The following MAF variants were observed in gnomAD, a reference collection of about 807,000 sequenced individuals.
MAF encodes the protein MAF bZIP transcription factor.
A neutral mutation model predicts 22.0 loss-of-function variants in MAF; 10 were observed. That is an observed-to-expected ratio of 0.45 (90% confidence interval 0.28 to 0.77). The LOEUF (loss-of-function observed/expected upper bound fraction) is 0.77. Ranked by LOEUF, MAF falls within the 30% of genes least tolerant of loss-of-function variation. The pLI, the probability that MAF is intolerant of heterozygous loss-of-function variation, is 0.12. For synonymous variants in MAF, 337 were observed against 255.8 expected, an observed-to-expected ratio of 1.32 and a Z score of -3.03; for missense variants, 544 against 548.4, an observed-to-expected ratio of 0.99 and a Z score of 0.08.
the MAF span, among the ~76,000 whole-genome samples, chr16:79,514,130 G>A: frequency 6.6e-6 from 1 of 152,142 alleles, no homozygotes; most frequent in East Asian, 1.9e-4. Context: ...AAGCTTTCTG[G>A]CCCAATTCAT....
chr16:79,225,584 C>A, the MAF span, among the ~76,000 whole-genome samples: 3 of 152,220 alleles, frequency 2.0e-5, no homozygotes, highest in South Asian at 2.1e-4. Flanking sequence ...TCAGAGTGAA[C>A]AGGAAACCTA....
the MAF span, among the ~76,000 whole-genome samples, chr16:79,287,334 G>A: frequency 2.0e-5 from 3 of 152,194 alleles, no homozygotes; most frequent in Admixed American, 6.5e-5. Flanking sequence ...AAGCACTCCC[G>A]GGCCCTCGGC....
the MAF span, among the ~76,000 whole-genome samples, chr16:79,387,320 C>G: frequency 6.6e-6 from 1 of 152,300 alleles, no homozygotes; most frequent in Admixed American, 6.5e-5. Flanking sequence ...AAAAGTCATT[C>G]TAATGCACAA....
the MAF span, among the ~76,000 whole-genome samples, chr16:79,563,186 G>C: frequency 2.6e-5 from 4 of 152,108 alleles, no homozygotes; most frequent in East Asian, 1.9e-4. Flanking sequence ...ACCTCAATCT[G>C]GCAGGTAAAG....
chr16:79,481,135 T>G, the MAF span, among the ~76,000 whole-genome samples: 128,483 of 151,730 alleles, frequency 0.85, 54,493 homozygotes, highest in East Asian at 0.93. Context: ...AGCCCATGTG[T>G]TGCTTGGCCT....
the MAF span, among the ~76,000 whole-genome samples, chr16:79,500,920 A>G: frequency 6.6e-6 from 1 of 152,100 alleles, no homozygotes; most frequent in Non-Finnish European, 1.5e-5. Flanking sequence ...CTGTTAGGGA[A>G]AATTCACCGC....
At chr16:79,415,465 C>T in the MAF span, among the ~76,000 whole-genome samples, 1 of 152,176 alleles carries the variant, frequency 6.6e-6, no homozygotes, top group Non-Finnish European at 1.5e-5. Context: ...TGAAAAATCT[C>T]TCTACTATCC....
the MAF span, chr16:79,205,157 C>G: frequency 1.3e-5 from 2 of 152,272 alleles, no homozygotes; most frequent in African/African-American, 4.8e-5. Context: ...CTGCATGGCA[C>G]TCTTCCCCCT....
the MAF span, among the ~76,000 whole-genome samples, chr16:79,542,189 G>C: frequency 6.6e-6 from 1 of 152,282 alleles, no homozygotes; most frequent in East Asian, 1.9e-4. Flanking sequence ...CTGTGCAGCT[G>C]AAGAGGGGAG....
chr16:79,594,984 T>C, intron 1 of MAF: 1 of 1,078,804 alleles, frequency 9.3e-7, no homozygotes, highest in Non-Finnish European at 1.1e-6. Flanking sequence ...TGTCATGAGA[T>C]AACTGCAATA....
chr16:79,463,028 T>A, the MAF span, among the ~76,000 whole-genome samples: 1 of 152,296 alleles, frequency 6.6e-6, no homozygotes, highest in East Asian at 1.9e-4. Flanking sequence ...GGAGTGAATA[T>A]TTCAGTCAAT....
the MAF span, among the ~76,000 whole-genome samples, chr16:79,313,968 A>G: frequency 6.6e-6 from 1 of 152,162 alleles, no homozygotes; most frequent in African/African-American, 2.4e-5. Context: ...ATAACTAAGA[A>G]TAAAGGCCAG....
chr16:79,343,916 C>G, the MAF span, among the ~76,000 whole-genome samples: 5 of 152,284 alleles, frequency 3.3e-5, 1 homozygote, highest in African/African-American at 1.2e-4. Flanking sequence ...AACTGGACTT[C>G]CTAGGTGAAA....
At chr16:79,443,143 A>T in the MAF span, among the ~76,000 whole-genome samples, 1 of 152,226 alleles carries the variant, frequency 6.6e-6, no homozygotes, top group South Asian at 2.1e-4. Context: ...CAGGGCTAAG[A>T]AGCAAAACTG....
chr16:79,576,882 G>T, the MAF span, among the ~76,000 whole-genome samples: 1 of 152,096 alleles, frequency 6.6e-6, no homozygotes, highest in South Asian at 2.1e-4. Flanking sequence ...CAGAAACTTT[G>T]TATCCTTTTT....
chr16:79,360,858 C>A, the MAF span, among the ~76,000 whole-genome samples: 1 of 152,182 alleles, frequency 6.6e-6, no homozygotes, highest in South Asian at 2.1e-4. Context: ...TACCCTTTAA[C>A]TGGAGTTGCT....
the MAF span, among the ~76,000 whole-genome samples, chr16:79,445,383 A>AC: frequency 6.6e-6 from 1 of 152,146 alleles, no homozygotes; most frequent in African/African-American, 2.4e-5. Flanking sequence ...CGGGAGAAGC[A>AC]CAGGTTGTTT....
the MAF span, among the ~76,000 whole-genome samples, chr16:79,512,586 T>G: frequency 2.2e-4 from 34 of 152,230 alleles, 1 homozygote; most frequent in African/African-American, 7.9e-4. Flanking sequence ...GAAACCTCCT[T>G]CTGCCCGGCA....
the MAF span, among the ~76,000 whole-genome samples, chr16:79,307,071 G>A: frequency 6.6e-6 from 1 of 152,156 alleles, no homozygotes; most frequent in African/African-American, 2.4e-5. Flanking sequence ...TTTGCAAAAT[G>A]GATCCCAAAA....
Sources: gnomAD v4.1 joint callset for allele counts (sites outside exome capture counted in the v4.1 genomes callset) on GRCh38, gnomAD v4.1.1 for gene constraint, MANE v1.5 for transcripts, NCBI Gene and HGNC (gene_info 2026-07-23, HGNC 2026-07-21) for gene names.